MDGA2: variants seen among roughly 807,000 people sequenced by gnomAD.
MDGA2 encodes the protein MAM domain containing glycosylphosphatidylinositol anchor 2, also known as MAM domain-containing glycosylphosphatidylinositol anchor protein 2.
In MDGA2, 40 loss-of-function variants were observed where a neutral mutation model predicts 117.8. The ratio of observed to expected loss-of-function variants is 0.34; its 90% CI spans 0.26 to 0.44. The LOEUF (loss-of-function observed/expected upper bound fraction) is 0.44. Ranked by LOEUF, MDGA2 falls within the 20% of genes least tolerant of loss-of-function variation. The pLI, the probability that MDGA2 is intolerant of heterozygous loss-of-function variation, is 1.00. For missense variants in MDGA2, 1,123 were observed against 1,250.6 expected, an observed-to-expected ratio of 0.90 and a Z score of 1.54; for synonymous variants, 452 against 439.0, an observed-to-expected ratio of 1.03 and a Z score of -0.37.
chr14:47,395,083 A>G lies in MDGA2; in HGVS notation c.281-93533T>C, dbSNP rs1415904335. On this transcript the variant is annotated intron_variant, in intron 1 of 16. Transcript: ENST00000399232. ...GGCAGGAGGACAGTTTGAGCCCAGGAGTTCGAGGATGCAGTGAGCTATAAT... is the reference window on the plus strand; with the variant it reads ...GGCAGGAGGACAGTTTGAGCCCAGGGGTTCGAGGATGCAGTGAGCTATAAT... 2.0e-5 allele frequency among the ~76,000 whole-genome samples: 3 copies of G among 152,188 alleles called. No homozygotes were observed. The East Asian group carries it at 5.8e-4, about 29-fold the overall frequency.
At chr14:47,247,239 C>G (rs534002128) in intron 2 of MDGA2, among the ~76,000 whole-genome samples, 1 of 151,688 alleles carries the variant, frequency 6.6e-6, no homozygotes, top group Admixed American at 6.6e-5. Context: ...TGTGGAACTC[C>G]TCCGGGTGTG....
chr14:47,036,286 A>C (rs1183238509), intron 7 of MDGA2, among the ~76,000 whole-genome samples: 1 of 151,666 alleles, frequency 6.6e-6, no homozygotes, highest in Non-Finnish European at 1.5e-5. Context: ...AAAAAAAAAA[A>C]AAAAAAAGAA....
intron 7 of MDGA2, among the ~76,000 whole-genome samples, chr14:47,042,635 C>A (rs1414966326): frequency 6.6e-6 from 1 of 152,042 alleles, no homozygotes; most frequent in African/African-American, 2.4e-5. Flanking sequence ...TGAGAAGTCA[C>A]AAAGTAGTTT....
At chr14:47,109,575 G>T (rs887963461) in intron 5 of MDGA2, among the ~76,000 whole-genome samples, 2 of 152,110 alleles carry the variant, frequency 1.3e-5, no homozygotes, top group Admixed American at 1.3e-4. Flanking sequence ...AAATTTTACT[G>T]AATAAAAGAA....
At chr14:47,334,784 A>T (rs1032921516) in intron 1 of MDGA2, among the ~76,000 whole-genome samples, 2 of 151,944 alleles carry the variant, frequency 1.3e-5, no homozygotes, top group Non-Finnish European at 2.9e-5. Flanking sequence ...ATAAAATACA[A>T]GCAACTGTGA....
intron 7 of MDGA2, among the ~76,000 whole-genome samples, chr14:47,037,184 G>A (rs1011444336): frequency 2.6e-5 from 4 of 152,210 alleles, no homozygotes; most frequent in Admixed American, 1.3e-4. Flanking sequence ...CCCTCCATGG[G>A]AAAGGGTGCA....
chr14:46,903,716 A>C (rs573891391), intron 10 of MDGA2, among the ~76,000 whole-genome samples: 2 of 152,226 alleles, frequency 1.3e-5, no homozygotes, highest in South Asian at 4.1e-4. Flanking sequence ...ATTATTTGTA[A>C]TATGTGGAAT....
intron 2 of MDGA2, among the ~76,000 whole-genome samples, chr14:47,284,957 C>T (rs1209090167): frequency 6.6e-6 from 1 of 152,120 alleles, no homozygotes; most frequent in Non-Finnish European, 1.5e-5. Context: ...GACTAGAATG[C>T]TTAGCAATGT....
At chr14:47,227,268 C>T (rs1233774884) in intron 2 of MDGA2, among the ~76,000 whole-genome samples, 1 of 152,078 alleles carries the variant, frequency 6.6e-6, no homozygotes, top group African/African-American at 2.4e-5. Context: ...GGAGTTTATT[C>T]CCTACCCCTG....
At chr14:47,327,812 T>G (rs910905317) in intron 1 of MDGA2, among the ~76,000 whole-genome samples, 1 of 152,200 alleles carries the variant, frequency 6.6e-6, no homozygotes, top group Non-Finnish European at 1.5e-5. Context: ...CAACCTAGGA[T>G]ACTTGTCTCA....
chr14:47,600,374 C>T (rs1369396358), intron 1 of MDGA2, among the ~76,000 whole-genome samples: 1 of 151,956 alleles, frequency 6.6e-6, no homozygotes, highest in Admixed American at 6.6e-5. Flanking sequence ...ACAGAGTTTG[C>T]AGTCAGCGGC....
At chr14:47,379,011 G>A (rs1029161538) in intron 1 of MDGA2, among the ~76,000 whole-genome samples, 4 of 152,172 alleles carry the variant, frequency 2.6e-5, no homozygotes, top group Admixed American at 6.5e-5. Flanking sequence ...GACTAACAGC[G>A]GATCTCTTGG....
chr14:47,015,683 T>C (rs1280080406), intron 8 of MDGA2, among the ~76,000 whole-genome samples: 1 of 151,646 alleles, frequency 6.6e-6, no homozygotes, highest in Admixed American at 6.6e-5. Context: ...AAAGAGAATA[T>C]CCAAAAATGA....
At chr14:47,174,612 C>T (rs937449040) in intron 3 of MDGA2, among the ~76,000 whole-genome samples, 1 of 152,070 alleles carries the variant, frequency 6.6e-6, no homozygotes, top group Non-Finnish European at 1.5e-5. Context: ...AGAACAAAGA[C>T]ACAACATACC....
chr14:47,279,383 A>C (rs1262283657), intron 2 of MDGA2, among the ~76,000 whole-genome samples: 2 of 152,126 alleles, frequency 1.3e-5, no homozygotes, highest in Non-Finnish European at 2.9e-5. Flanking sequence ...GCCTATTCAC[A>C]TTCTTAGACC....
At chr14:47,549,341 T>TTCTCTCTCTCTCTCTC (rs1411617142) in intron 1 of MDGA2, among the ~76,000 whole-genome samples, 2 of 64,702 alleles carry the variant, frequency 3.1e-5, no homozygotes, top group Admixed American at 1.6e-4. Context: ...TTCACCAGTA[T>TTCTCTCTCTCTCTCTC]TATCTCTCTC....
intron 1 of MDGA2, among the ~76,000 whole-genome samples, chr14:47,385,881 A>G (rs184623885): frequency 2.6e-5 from 4 of 152,336 alleles, no homozygotes; most frequent in African/African-American, 9.6e-5. Flanking sequence ...GTAATCACTA[A>G]CATGACAGAG....
intron 8 of MDGA2, among the ~76,000 whole-genome samples, chr14:46,965,077 C>T (rs1214384067): frequency 7.1e-6 from 1 of 140,912 alleles, no homozygotes; most frequent in Non-Finnish European, 1.5e-5. Flanking sequence ...GCGCCCGCCA[C>T]CACGCCCGGC....
chr14:46,888,486 C>A (rs1250274280), intron 10 of MDGA2, among the ~76,000 whole-genome samples: 5 of 151,794 alleles, frequency 3.3e-5, no homozygotes, highest in African/African-American at 1.2e-4. Context: ...AGAGGTTAGC[C>A]TAAAACCTCC....
Sources: gnomAD v4.1 joint callset for allele counts (sites outside exome capture counted in the v4.1 genomes callset) on GRCh38, gnomAD v4.1.1 for gene constraint, MANE v1.5 for transcripts, NCBI Gene and HGNC (gene_info 2026-07-23, HGNC 2026-07-21) for gene names.